ATP10B: variants seen among roughly 807,000 people sequenced by gnomAD.
ATP10B encodes the protein phospholipid-transporting ATPase VB.
ATP10B carries 122 observed loss-of-function variants against 141.2 expected under a neutral mutation model. That is an observed-to-expected ratio of 0.86 (90% CI 0.75 to 1.00). The LOEUF is 1.00. Among genes scored for constraint, ATP10B ranks in the 50% least tolerant of loss-of-function variants. The pLI is 0.00. For synonymous variants in ATP10B, 685 were observed against 692.0 expected, an observed-to-expected ratio of 0.99 and a Z score of 0.16; for missense variants, 1,876 against 1,825.3, an observed-to-expected ratio of 1.03 and a Z score of -0.51.
chr5:160,853,872 A>G (rs185000269), upstream of ATP10B, among the ~76,000 whole-genome samples: 915 of 152,282 alleles, frequency 6.0e-3, 9 homozygotes, highest in African/African-American at 0.021. Flanking sequence ...TCATATTTTA[A>G]AAATCACACT....
chr5:160,630,969 G>C (rs553273667), intron 13 of ATP10B, among the ~76,000 whole-genome samples: 38 of 152,150 alleles, frequency 2.5e-4, no homozygotes, highest in Non-Finnish European at 5.4e-4. Flanking sequence ...TATGGAAAAT[G>C]TTTTTGATAT....
At chr5:160,627,569 A>G (rs1758675212) in intron 13 of ATP10B, among the ~76,000 whole-genome samples, 1 of 152,186 alleles carries the variant, frequency 6.6e-6, no homozygotes, top group Non-Finnish European at 1.5e-5. Flanking sequence ...ACCAGAATAA[A>G]AAAATGCACA....
intron 2 of ATP10B, among the ~76,000 whole-genome samples, chr5:160,784,549 G>A (rs1770992002): frequency 6.6e-6 from 1 of 152,060 alleles, no homozygotes. Context: ...TGTTGTTGTT[G>A]TTTTTAAGTT....
intron 3 of ATP10B, among the ~76,000 whole-genome samples, chr5:160,703,930 A>T (rs1764822671): frequency 1.3e-5 from 2 of 152,176 alleles, no homozygotes; most frequent in South Asian, 4.1e-4. Context: ...ATCTCCTTGT[A>T]CGTTTTCATC....
the ATP10B span, among the ~76,000 whole-genome samples, chr5:160,867,201 CAT>C: frequency 8.8e-4 from 133 of 150,510 alleles, no homozygotes; most frequent in African/African-American, 3.1e-3. Flanking sequence ...CATATATATG[CAT>C]ATATATATAT....
At chr5:160,647,532 G>A (rs767818879) in intron 8 of ATP10B, among the ~76,000 whole-genome samples, 8 of 152,178 alleles carry the variant, frequency 5.3e-5, no homozygotes, top group Non-Finnish European at 8.8e-5. Flanking sequence ...CCGTCTGAGA[G>A]GGGCAGGCTG....
chr5:160,898,420 A>T, the ATP10B span, among the ~76,000 whole-genome samples: 1 of 152,260 alleles, frequency 6.6e-6, no homozygotes, highest in Non-Finnish European at 1.5e-5. Flanking sequence ...GTCATTAGAG[A>T]AATGCAAATC....
chr5:160,753,415 G>A (rs954339758), intron 2 of ATP10B, among the ~76,000 whole-genome samples: 1 of 152,172 alleles, frequency 6.6e-6, no homozygotes, highest in African/African-American at 2.4e-5. Context: ...GAAGTAGCAA[G>A]TACTCAGAAT....
chr5:160,608,641 A>G (rs189232514), intron 18 of ATP10B, among the ~76,000 whole-genome samples: 1 of 152,206 alleles, frequency 6.6e-6, no homozygotes, highest in Non-Finnish European at 1.5e-5. Flanking sequence ...TTAAGATGGT[A>G]TCTCATTGTG....
the ATP10B span, among the ~76,000 whole-genome samples, chr5:160,859,011 T>G: frequency 1.8e-4 from 27 of 152,004 alleles, no homozygotes; most frequent in South Asian, 5.4e-3. Context: ...AATTAACATG[T>G]TATATTTTCC....
At chr5:160,904,060 G>A in the ATP10B span, among the ~76,000 whole-genome samples, 1 of 152,128 alleles carries the variant, frequency 6.6e-6, no homozygotes, top group Non-Finnish European at 1.5e-5. Context: ...GCTTCCTGAT[G>A]AGGTTACCAC....
chr5:160,725,323 A>G (rs1766263262), intron 2 of ATP10B, among the ~76,000 whole-genome samples: 1 of 152,190 alleles, frequency 6.6e-6, no homozygotes, highest in South Asian at 2.1e-4. Context: ...TGCTTTACTC[A>G]CTAAGAATGT....
At chr5:160,864,711 G>A in the ATP10B span, among the ~76,000 whole-genome samples, 1 of 151,932 alleles carries the variant, frequency 6.6e-6, no homozygotes, top group Non-Finnish European at 1.5e-5. Flanking sequence ...CCTGATAAAT[G>A]AATTCAGTAA....
intron 17 of ATP10B, among the ~76,000 whole-genome samples, 188 bp from the exon 18 acceptor site, chr5:160,613,113 G>A: frequency 6.6e-6 from 1 of 152,158 alleles, no homozygotes; most frequent in East Asian, 1.9e-4. Context: ...CATTGAATAA[G>A]AATTTATAAC....
At chr5:160,873,219 T>C in the ATP10B span, among the ~76,000 whole-genome samples, 1 of 152,134 alleles carries the variant, frequency 6.6e-6, no homozygotes, top group South Asian at 2.1e-4. Context: ...AGAATTGTTT[T>C]AGTAAATTAG....
chr5:160,567,472 G>A (rs1449009797), intron 25 of ATP10B, among the ~76,000 whole-genome samples: 2 of 152,106 alleles, frequency 1.3e-5, no homozygotes, highest in Admixed American at 6.5e-5. Flanking sequence ...CTTGTCTCTT[G>A]TGTTCATGGC....
intron 1 of ATP10B, among the ~76,000 whole-genome samples, chr5:160,837,237 A>G (rs1339122945): frequency 6.6e-6 from 1 of 152,198 alleles, no homozygotes; most frequent in Non-Finnish European, 1.5e-5. Flanking sequence ...ATCAGCTACT[A>G]TAAATGTGAG....
chr5:160,636,060 C>G, intron 11 of ATP10B, 122 bp downstream of exon 11: 1 of 1,115,690 alleles, frequency 9.0e-7, no homozygotes, highest in Non-Finnish European at 1.2e-6. Flanking sequence ...CGATGACCAT[C>G]TCCTCATCTC....
At chr5:160,765,622 A>G (rs1042167745) in intron 2 of ATP10B, among the ~76,000 whole-genome samples, 2 of 152,136 alleles carry the variant, frequency 1.3e-5, no homozygotes, top group African/African-American at 4.8e-5. Flanking sequence ...AGAAGATAAT[A>G]TCAGAAAAAC....
Sources: gnomAD v4.1 joint callset for allele counts (sites outside exome capture counted in the v4.1 genomes callset) on GRCh38, gnomAD v4.1.1 for gene constraint, MANE v1.5 for transcripts, NCBI Gene and HGNC (gene_info 2026-07-23, HGNC 2026-07-21) for gene names.